FSTL1: variants seen among roughly 807,000 people sequenced by gnomAD.
FSTL1 encodes the protein follistatin-related protein 1.
In FSTL1, 24 loss-of-function variants were observed where a neutral mutation model predicts 45.9. That is an observed-to-expected ratio of 0.52 (90% CI 0.38 to 0.74). FSTL1 has a LOEUF of 0.74. Ranked by LOEUF, FSTL1 falls within the 30% of genes least tolerant of loss-of-function variation. The probability of loss-of-function intolerance (pLI) is 0.00; values close to 1 mark genes in which losing one functional copy is unlikely to be tolerated. For missense variants in FSTL1, 340 were observed against 381.8 expected, an observed-to-expected ratio of 0.89 and a Z score of 0.91; for synonymous variants, 120 against 137.6, an observed-to-expected ratio of 0.87 and a Z score of 0.89.
chr3:120,446,266 T>G (rs1416574285), intron 2 of FSTL1, among the ~76,000 whole-genome samples: 2 of 152,204 alleles, frequency 1.3e-5, no homozygotes, highest in Non-Finnish European at 2.9e-5. Context: ...TTTCTTTTCG[T>G]CTTTGGGGCA....
At chr3:120,407,474 A>T (rs899325778) in intron 6 of FSTL1, among the ~76,000 whole-genome samples, 1 of 152,200 alleles carries the variant, frequency 6.6e-6, no homozygotes, top group Non-Finnish European at 1.5e-5. Context: ...TTACGCTTTC[A>T]CCTAAGAAAC....
intron 8 of FSTL1, 118 bp downstream of exon 8, chr3:120,403,124 G>A: frequency 1.4e-6 from 1 of 740,678 alleles, no homozygotes; most frequent in Non-Finnish European, 2.4e-6. Flanking sequence ...GCCCAGTTTA[G>A]AATCATGGAA....
chr3:120,440,732 T>A (rs1937619154), intron 2 of FSTL1, among the ~76,000 whole-genome samples: 1 of 152,240 alleles, frequency 6.6e-6, no homozygotes, highest in Admixed American at 6.5e-5. Flanking sequence ...AAATAGTGTA[T>A]TGAGACTTTG....
At chr3:120,442,453 T>A (rs989286623) in intron 2 of FSTL1, among the ~76,000 whole-genome samples, 1 of 152,214 alleles carries the variant, frequency 6.6e-6, no homozygotes, top group African/African-American at 2.4e-5. Context: ...TTGCTCTTAA[T>A]AACAAAATGG....
intron 5 of FSTL1, 135 bp from the exon 6 acceptor site, chr3:120,409,797 C>G: frequency 1.5e-6 from 1 of 687,358 alleles, no homozygotes; most frequent in Admixed American, 2.7e-5. Flanking sequence ...ATAGGATTAG[C>G]ACATCCAGGG....
At chr3:120,411,756 T>A in intron 4 of FSTL1, 98 bp downstream of exon 4, 1 of 1,059,220 alleles carries the variant, frequency 9.4e-7, no homozygotes, top group Non-Finnish European at 1.4e-6. Context: ...GAGGCTGTGG[T>A]CGTGGAGGAA....
At chr3:120,412,832 GCGCGCGCACACACACACA>G (rs1287359142) in intron 3 of FSTL1, among the ~76,000 whole-genome samples, 1 of 128,518 alleles carries the variant, frequency 7.8e-6, no homozygotes, top group Non-Finnish European at 1.6e-5. Context: ...GCGCGCGCGC[GCGCGCGCACACACACACA>G]CACACACACA....
chr3:120,406,515 T>C (rs77341853), intron 6 of FSTL1, among the ~76,000 whole-genome samples: 7,001 of 152,304 alleles, frequency 0.046, 367 homozygotes, highest in Admixed American at 0.17. Flanking sequence ...CAAAAGGCAG[T>C]GCTGTGTACA....
At chr3:120,422,770 C>T (rs536034222) in intron 2 of FSTL1, among the ~76,000 whole-genome samples, 1 of 152,128 alleles carries the variant, frequency 6.6e-6, no homozygotes, top group African/African-American at 2.4e-5. Flanking sequence ...TCTCAGCTCA[C>T]TGTAACTTCC....
At chr3:120,413,559 C>A (rs940713695) in intron 3 of FSTL1, among the ~76,000 whole-genome samples, 1 of 152,050 alleles carries the variant, frequency 6.6e-6, no homozygotes, top group Non-Finnish European at 1.5e-5. Context: ...TAGAAAACTT[C>A]CTTTCTGGGG....
intron 2 of FSTL1, among the ~76,000 whole-genome samples, chr3:120,424,981 C>T (rs962745688): frequency 6.6e-5 from 10 of 151,992 alleles, no homozygotes; most frequent in Admixed American, 2.0e-4. Context: ...AACAAATGAG[C>T]TCAGGAGAAA....
chr3:120,445,949 G>A lies in FSTL1; in HGVS notation c.63+4735C>T, dbSNP rs180928401. 5.3e-5 allele frequency among the ~76,000 whole-genome samples: 8 copies of A among 150,068 alleles called. No individual in the cohort carries two copies. In the East Asian group the frequency reaches 9.7e-4, roughly 18 times the overall value. On this transcript the variant is annotated intron_variant, in intron 2 of 10. Coordinates refer to ENST00000295633, the MANE Select transcript of FSTL1 (RefSeq NM_007085.5). ...AGAGAAAGCACCCCTTGCCAAAATC[G>A]CAGGAGTCAGAATAGAGCATCCTAA... is the stretch of plus-strand genomic sequence containing the variant.
At chr3:120,409,318 G>A (rs1328622076) in intron 6 of FSTL1, among the ~76,000 whole-genome samples, 3 of 152,224 alleles carry the variant, frequency 2.0e-5, no homozygotes, top group Non-Finnish European at 2.9e-5. Context: ...CAGCACATGT[G>A]TGTTAGATCC....
rs200383351 is a variant in FSTL1 at position 120,409,692 on chromosome 3, G to A, written c.332-30C>T. ...AGGAAAGTGGAGGATGTCAGCTGGA[G>A]CAGTCAGGGGAGGACCCCAGTGATA... On this transcript the variant is annotated intron_variant, in intron 5 of 10. Transcript: ENST00000295633. 90 of 1,611,710 alleles carry A rather than the reference G, an allele frequency of 5.6e-5. 1 individual carries two copies. The East Asian group carries it at 1.5e-3, about 26-fold the overall frequency.
At chr3:120,402,664 C>T (rs1936848958) in intron 9 of FSTL1, 144 bp downstream of exon 9, 3 of 627,634 alleles carry the variant, frequency 4.8e-6, no homozygotes, top group African/African-American at 3.7e-5. Flanking sequence ...CTTGGGGCTC[C>T]AACCTTACAG....
At position 120,393,682 on chromosome 3, in the gene FSTL1, T is replaced by C. The variant is rs951289814; in HGVS notation, c.*3270A>G. 1 of 152,196 alleles carries C rather than the reference T, an allele frequency of 6.6e-6. No homozygotes were observed. The highest frequency in any genetic ancestry group is 2.4e-5 in the African/African-American group (1 of 41,440). 9.4% of individuals were successfully genotyped at this position (152,196 alleles called of 1,614,324 possible). A position where few individuals can be genotyped will look rare whatever the true frequency, so the allele number is the denominator to read the frequency against. On this transcript the variant is annotated 3_prime_UTR_variant, in exon 11 of 11. Coordinates refer to ENST00000295633, the MANE Select transcript of FSTL1 (RefSeq NM_007085.5). The stretch of plus-strand genomic sequence containing the variant: ...CTTCCCAATACAGGAATGCACCTGC[T>C]ATGGTTTGAATGTTTATGTCCCCCA...
chr3:120,445,469 C>T (rs1296235890), intron 2 of FSTL1, among the ~76,000 whole-genome samples: 1 of 148,802 alleles, frequency 6.7e-6, no homozygotes, highest in African/African-American at 2.6e-5. Context: ...CTAGATCATC[C>T]CTATCCCTCA....
intron 4 of FSTL1, 42 bp from the exon 5 acceptor site, chr3:120,411,026 A>G: frequency 1.3e-6 from 2 of 1,513,848 alleles, no homozygotes; most frequent in South Asian, 2.4e-5. Flanking sequence ...GAAGTGAAGG[A>G]AAAAAGAAAA....
intron 7 of FSTL1, among the ~76,000 whole-genome samples, chr3:120,403,961 CAAAAACAAAAACAAAA>C (rs1406872862): frequency 2.6e-5 from 2 of 75,772 alleles, no homozygotes; most frequent in South Asian, 4.6e-4. Flanking sequence ...CAAAACAAAA[CAAAAACAAAAACAAAA>C]AAAAACAAAA....
Sources: gnomAD v4.1 joint callset for allele counts (sites outside exome capture counted in the v4.1 genomes callset) on GRCh38, gnomAD v4.1.1 for gene constraint, MANE v1.5 for transcripts, NCBI Gene and HGNC (gene_info 2026-07-23, HGNC 2026-07-21) for gene names.